CRYBG1: variants seen among roughly 807,000 people sequenced by gnomAD.
The protein encoded by CRYBG1 is crystallin beta-gamma domain containing 1.
Under a neutral mutation model 189.2 loss-of-function variants are expected in CRYBG1, and 139 were observed. That is an observed-to-expected ratio of 0.73 (90% CI 0.64 to 0.85). CRYBG1 has a LOEUF of 0.85. Among genes scored for constraint, CRYBG1 ranks in the 40% least tolerant of loss-of-function variants. The pLI is 0.00. For missense variants in CRYBG1, 2,611 were observed against 2,675.8 expected, an observed-to-expected ratio of 0.98 and a Z score of 0.53; for synonymous variants, 1,023 against 1,017.1, an observed-to-expected ratio of 1.01 and a Z score of -0.11.
At chr6:106,500,408 T>C (rs1772977577) in intron 2 of CRYBG1, among the ~76,000 whole-genome samples, 1 of 145,030 alleles carries the variant, frequency 6.9e-6, no homozygotes, top group Non-Finnish European at 1.5e-5. Context: ...TGATGAACAG[T>C]GATGTTGAGC....
intron 1 of CRYBG1, among the ~76,000 whole-genome samples, chr6:106,368,751 A>G (rs939291540): frequency 6.6e-6 from 1 of 152,146 alleles, no homozygotes; most frequent in Non-Finnish European, 1.5e-5. Context: ...CATAACAGAG[A>G]CCTAGATTGA....
intron 1 of CRYBG1, chr6:106,420,609 T>G (rs1771105574): frequency 6.6e-6 from 1 of 152,302 alleles, no homozygotes; most frequent in Admixed American, 6.5e-5. Context: ...TCTATTTTTC[T>G]TCACAGAAGG....
rs1250407839 is a variant in CRYBG1, at chr6:106,360,994, GGC to G, written c.89_90del (p.Arg30LeufsTer11). The G allele has an allele frequency of 4.6e-6, 7 of 1,535,196 alleles. No homozygotes were observed. The highest frequency in any genetic ancestry group is 1.4e-5 in the African/African-American group (1 of 73,142). ...AAGAAGCACACCACCTTCCACCTCT[GGC>G]GCTCCAAAAAGAAGCAGCAGCCGGC... is the stretch of plus-strand genomic sequence containing the variant. On this transcript the variant is annotated frameshift_variant, in exon 1 of 22. Transcript: ENST00000633556. LOFTEE classifies it high-confidence loss of function.
At position 106,530,046 on chromosome 6, in the gene CRYBG1, G is replaced by A. The variant is rs562581942; in HGVS notation, c.4579-130G>A. ...AAAACAGGAAAGGGCTAAAATGGCA[G>A]GTGCTCTGTGAAATGTGTTTGTAAA... On this transcript the variant is annotated intron_variant, in intron 7 of 21. Transcript: ENST00000633556. The A allele has an allele frequency of 1.4e-4, 113 of 799,372 alleles. No homozygotes were observed. The African/African-American group carries it at 1.8e-3, about 12-fold the overall frequency. The allele number at this position is 799,372 out of a possible 1,614,324, so 49.5% of individuals were successfully genotyped here.
At position 106,360,786 on chromosome 6, in the gene CRYBG1, G is replaced by C; in HGVS notation, c.-123G>C. ...CCGTCCCCCCGCATCCGCGACGAGG[G>C]GGCGGGGTCCCACGGCGCGCTGAGA... On this transcript the variant is annotated 5_prime_UTR_variant, in exon 1 of 22. Transcript: ENST00000633556. 1 of 1,195,664 alleles carries C rather than the reference G, an allele frequency of 8.4e-7. No individual in the cohort carries two copies. Among genetic ancestry groups the C allele is most frequent in the Non-Finnish European group, 1.1e-6 (1 of 896,840 alleles). The allele number at this position is 1,195,664 out of a possible 1,614,324, so 74.1% of individuals were successfully genotyped here.
At position 106,526,965 on chromosome 6, in the gene CRYBG1, A is replaced by C. The variant is rs6924106; in HGVS notation, c.4413-340A>C. On this transcript the variant is annotated intron_variant, in intron 6 of 21. Transcript: ENST00000633556. ...CCAAAAAAAAAAAAAAAAAAGAGACAAAAAAAAAAAAACCTAGTACAGTAA... is the reference window on the plus strand; with the variant it reads ...CCAAAAAAAAAAAAAAAAAAGAGACCAAAAAAAAAAAACCTAGTACAGTAA... Among the ~76,000 whole-genome samples, 861 of 131,248 alleles carry C rather than the reference A, an allele frequency of 6.6e-3. 12 individuals are homozygous for C. The highest frequency in any genetic ancestry group is 0.022 in the African/African-American group (831 of 37,850). The allele number at this position is 131,248 out of a possible 152,430, so 86.1% of individuals were successfully genotyped here.
In CRYBG1 at chr6:106,436,362, G is replaced by C. The variant is rs183943289; in HGVS notation, c.174-15332G>C. Among the ~76,000 whole-genome samples, 165 of 150,606 alleles carry C rather than the reference G, an allele frequency of 1.1e-3. 1 individual carries two copies. In the Middle Eastern group the frequency reaches 0.014, roughly 13 times the overall value. On this transcript the variant is annotated intron_variant, in intron 1 of 21. Coordinates refer to ENST00000633556, the MANE Select transcript of CRYBG1 (RefSeq NM_001371242.2). ...TGCCTAGGCTGGAGTGCAGCGGCGC[G>C]ATCTCGGCCCACTGCAGGCTCCGCC...
rs772498949 is a variant in CRYBG1, at chr6:106,519,450, G to A, written c.2242G>A (p.Ala748Thr). The A allele has an allele frequency of 6.2e-7, 1 of 1,614,124 alleles. No individual in the cohort carries two copies. The highest frequency in any genetic ancestry group is 1.1e-5 in the South Asian group (1 of 91,088). ...GAATGGTGTGCTGGTTAAGGAAACT[G>A]CTATAGAAACCAAAGTTACCGTCTC... ...PQNGVLVKET[A>T]IETKVTVSEE... The change falls in exon 4 of 22, where the codon GCT (alanine) becomes ACT (threonine). Residue 748 changes from alanine to threonine, a missense_variant. Physicochemically the swap from Ala to Thr is moderately conservative, Grantham distance 58 (BLOSUM62 0). Transcript: ENST00000633556.
chr6:106,444,195 TCTC>T (rs142914388), intron 1 of CRYBG1, among the ~76,000 whole-genome samples: 6,751 of 152,268 alleles, frequency 0.044, 225 homozygotes, highest in Non-Finnish European at 0.069. Context: ...CATTTTCTCT[TCTC>T]TGCCATTAGA....
chr6:106,525,837 T>C (rs1773728120), intron 6 of CRYBG1, among the ~76,000 whole-genome samples: 1 of 152,012 alleles, frequency 6.6e-6, no homozygotes, highest in South Asian at 2.1e-4. Flanking sequence ...AAAAAATCTA[T>C]AAGGTAAAAC....
At chr6:106,502,014 C>G (rs1303135830) in intron 2 of CRYBG1, among the ~76,000 whole-genome samples, 1 of 152,164 alleles carries the variant, frequency 6.6e-6, no homozygotes, top group Non-Finnish European at 1.5e-5. Context: ...TTCTCCAGCT[C>G]TCATTTCTCT....
intron 2 of CRYBG1, among the ~76,000 whole-genome samples, chr6:106,471,069 A>G (rs1215529036): frequency 2.6e-5 from 4 of 152,206 alleles, no homozygotes; most frequent in Non-Finnish European, 4.4e-5. Flanking sequence ...AATTTTCTAC[A>G]TGAAAGGAGA....
chr6:106,407,848 A>G (rs1582745972), intron 1 of CRYBG1, among the ~76,000 whole-genome samples: 1 of 152,248 alleles, frequency 6.6e-6, no homozygotes, highest in East Asian at 1.9e-4. Context: ...ACTATGTACC[A>G]GAATCTCTGG....
chr6:106,479,623 G>C (rs1417777915), intron 2 of CRYBG1, among the ~76,000 whole-genome samples: 1 of 152,164 alleles, frequency 6.6e-6, no homozygotes, highest in African/African-American at 2.4e-5. Flanking sequence ...ATCCTAGTGG[G>C]TGTGAAATAG....
intron 8 of CRYBG1, among the ~76,000 whole-genome samples, chr6:106,532,364 A>G (rs530080971): frequency 1.6e-3 from 251 of 152,356 alleles, no homozygotes; most frequent in Non-Finnish European, 3.1e-3. Flanking sequence ...ACTGCAAGAA[A>G]CATGCAAGTG....
chr6:106,459,545 G>A (rs982956396), intron 2 of CRYBG1, among the ~76,000 whole-genome samples: 116 of 138,946 alleles, frequency 8.3e-4, no homozygotes, highest in Admixed American at 1.7e-3. Flanking sequence ...CCATTTGTGG[G>A]TTTTTTTTTT....
At chr6:106,513,801 A>G (rs545632368) in intron 3 of CRYBG1, among the ~76,000 whole-genome samples, 17 of 152,318 alleles carry the variant, frequency 1.1e-4, no homozygotes, top group Middle Eastern at 3.4e-3. Flanking sequence ...TCCCTAATTT[A>G]TGTATCTTGG....
At chr6:106,426,750 A>ATTC (rs1346734507) in intron 1 of CRYBG1, among the ~76,000 whole-genome samples, 2 of 152,174 alleles carry the variant, frequency 1.3e-5, no homozygotes, top group East Asian at 3.8e-4. Flanking sequence ...TGCACCAGGC[A>ATTC]TGCTCGTTAA....
In CRYBG1 at chr6:106,544,827, A is replaced by C. The variant is rs1305069810; in HGVS notation, c.5206A>C (p.Asn1736His). 9 of 1,610,438 alleles carry C rather than the reference A, an allele frequency of 5.6e-6. No individual in the cohort carries two copies. Among genetic ancestry groups the C allele is most frequent in the Non-Finnish European group, 6.8e-6 (8 of 1,179,102 alleles). The change falls in exon 13 of 22, where the codon AAC becomes CAC. Residue 1736 changes from asparagine (N) to histidine (H), a missense_variant. Coordinates refer to ENST00000633556, the MANE Select transcript of CRYBG1 (RefSeq NM_001371242.2). The stretch of plus-strand genomic sequence containing the variant: ...TCACATGATAATGTACAGTGAAAAA[A>C]ACTTTGGATCCAAAGGTTCCAGTAT... ...NAHMIMYSEK[N>H]FGSKGSSIDV...
Sources: allele counts gnomAD v4.1 joint callset (sites outside exome capture counted in the v4.1 genomes callset), GRCh38; gene constraint gnomAD v4.1.1; transcripts MANE v1.5; gene names NCBI Gene and HGNC (gene_info 2026-07-23, HGNC 2026-07-21).